The following STARD3NL variants were observed in gnomAD, a reference collection of about 807,000 sequenced individuals.
The protein encoded by STARD3NL is STARD3 N-terminal like.
STARD3NL carries 17 observed loss-of-function variants against 30.9 expected under a neutral mutation model. The observed-to-expected ratio is 0.55, with a 90% CI of 0.38 to 0.82. STARD3NL has a LOEUF of 0.82. Among genes scored for constraint, STARD3NL ranks in the 40% least tolerant of loss-of-function variants. STARD3NL has a pLI of 0.00. For missense variants in STARD3NL, 234 were observed against 277.6 expected, an observed-to-expected ratio of 0.84 and a Z score of 1.12; for synonymous variants, 112 against 100.5, an observed-to-expected ratio of 1.11 and a Z score of -0.69.
At chr7:38,211,991 CT>C (rs2116296467) in intron 2 of STARD3NL, among the ~76,000 whole-genome samples, 1 of 152,206 alleles carries the variant, frequency 6.6e-6, no homozygotes, top group East Asian at 1.9e-4. Context: ...GTTTCCCTTT[CT>C]TTTCCACTGT....
At position 38,216,484 on chromosome 7, in the gene STARD3NL, AGT is replaced by A. The variant is rs374049044; in HGVS notation, c.382-524_382-523del. On this transcript the variant is annotated intron_variant, in intron 4 of 8. Coordinates refer to ENST00000009041, the MANE Select transcript of STARD3NL (RefSeq NM_032016.4). ...GTGTGTGTGTGTGTGTGTGTGTGTGAGTGTGTGTGTGTGTGTGTCTGCAACTT... is the reference window on the plus strand; with the variant it reads ...GTGTGTGTGTGTGTGTGTGTGTGTGAGTGTGTGTGTGTGTGTCTGCAACTT... 1.1e-3 allele frequency: 132 copies of A among 116,440 alleles called. No homozygotes were observed. In the South Asian group the frequency reaches 0.012, roughly 11 times the overall value. The allele number at this position is 116,440 out of a possible 1,614,324, so 7.2% of individuals were successfully genotyped here. A position where few individuals can be genotyped will look rare whatever the true frequency, so the allele number is the denominator to read the frequency against.
At chr7:38,228,668 C>T (rs1485890976) in intron 7 of STARD3NL, 131 bp from the exon 8 acceptor site, 1 of 656,082 alleles carries the variant, frequency 1.5e-6, no homozygotes, top group Non-Finnish European at 2.4e-6. Flanking sequence ...TAACCTAAAT[C>T]TCTTGAGGAT....
At chr7:38,214,923 C>G (rs576718871) in intron 3 of STARD3NL, 105 bp from the exon 4 acceptor site, 6 of 1,010,822 alleles carry the variant, frequency 5.9e-6, no homozygotes, top group Admixed American at 2.0e-5. Context: ...CCCTGGTAGT[C>G]TCCAGCTAAA....
chr7:38,208,239 T>A (rs965442894), intron 2 of STARD3NL, among the ~76,000 whole-genome samples: 13 of 152,224 alleles, frequency 8.5e-5, no homozygotes, highest in Non-Finnish European at 1.9e-4. Flanking sequence ...GTTTTAGATG[T>A]TTCATGTACT....
In STARD3NL at chr7:38,207,738, G is replaced by C; in HGVS notation, c.225+9G>C. ...GGATAATAGAGTTAAATGTAAGTTG[G>C]TGGTTCTTTCATAACTTTTTAAGAA... On this transcript the variant is annotated intron_variant, in intron 2 of 8. Transcript: ENST00000009041. 6.2e-7 allele frequency: 1 copy of C among 1,611,504 alleles called. No homozygotes were observed. The highest frequency in any genetic ancestry group is 1.1e-5 in the South Asian group (1 of 90,858).
chr7:38,219,803 C>T (rs1335517651), intron 7 of STARD3NL, 143 bp downstream of exon 7: 2 of 622,002 alleles, frequency 3.2e-6, no homozygotes, highest in Admixed American at 2.4e-5. Context: ...ATAGGTGAGA[C>T]ACGGTCTCAC....
At chr7:38,221,721 G>A (rs1371128770) in intron 7 of STARD3NL, among the ~76,000 whole-genome samples, 1 of 152,214 alleles carries the variant, frequency 6.6e-6, no homozygotes, top group Admixed American at 6.5e-5. Context: ...AAAGGATAAA[G>A]AAATCAGTAG....
At chr7:38,224,519 A>G (rs1039713073) in intron 7 of STARD3NL, among the ~76,000 whole-genome samples, 4 of 152,216 alleles carry the variant, frequency 2.6e-5, no homozygotes, top group Admixed American at 2.0e-4. Context: ...TAAACAGTCC[A>G]TAAGTTTTTA....
At chr7:38,217,736 A>G (rs1786207060) in intron 6 of STARD3NL, among the ~76,000 whole-genome samples, 1 of 152,196 alleles carries the variant, frequency 6.6e-6, no homozygotes, top group Admixed American at 6.5e-5. Flanking sequence ...AACTATTCTA[A>G]ATACAAGCCA....
chr7:38,180,855 AAAATAATGCATCT>A (rs1784216646), intron 1 of STARD3NL, among the ~76,000 whole-genome samples: 1 of 152,240 alleles, frequency 6.6e-6, no homozygotes, highest in African/African-American at 2.4e-5. Context: ...AGTGAGTTTT[AAAATAATGCATCT>A]AATGGCCAAA....
chr7:38,217,403 A>G, intron 6 of STARD3NL, 98 bp downstream of exon 6: 1 of 1,079,454 alleles, frequency 9.3e-7, no homozygotes, highest in Non-Finnish European at 1.4e-6. Flanking sequence ...GCAAATGGGT[A>G]GAGTTAGGCA....
intron 4 of STARD3NL, chr7:38,215,816 A>T (rs1786076142): frequency 6.6e-6 from 1 of 152,294 alleles, no homozygotes; most frequent in African/African-American, 2.4e-5. Context: ...CTGCAATTAG[A>T]GGGTGAGAGC....
intron 1 of STARD3NL, among the ~76,000 whole-genome samples, chr7:38,195,391 A>G (rs946286632): frequency 6.6e-6 from 1 of 152,194 alleles, no homozygotes; most frequent in South Asian, 2.1e-4. Context: ...AGTGTTAGCC[A>G]TACTTGCTGA....
In STARD3NL at chr7:38,194,779, T is replaced by G. The variant is rs1171448343; in HGVS notation, c.-58-12668T>G. Reference sequence around the variant, plus strand: ...TGGTGGTCTAGTTTTGTGATCAATTTTATAAATATGGCTTACCTCCTCAAC... The same window carrying G: ...TGGTGGTCTAGTTTTGTGATCAATTGTATAAATATGGCTTACCTCCTCAAC... On this transcript the variant is annotated intron_variant, in intron 1 of 8. Coordinates refer to ENST00000009041, the MANE Select transcript of STARD3NL (RefSeq NM_032016.4). Among the ~76,000 whole-genome samples, 3 of 152,220 alleles carry G rather than the reference T, an allele frequency of 2.0e-5. No homozygotes were observed. The East Asian group carries it at 5.8e-4, about 29-fold the overall frequency.
intron 1 of STARD3NL, among the ~76,000 whole-genome samples, chr7:38,202,907 C>T (rs901015431): frequency 6.6e-6 from 1 of 151,932 alleles, no homozygotes; most frequent in African/African-American, 2.4e-5. Context: ...ATGAACTCAT[C>T]ATTTTTTATG....
intron 1 of STARD3NL, among the ~76,000 whole-genome samples, chr7:38,204,134 C>T (rs1785325772): frequency 6.6e-6 from 1 of 152,180 alleles, no homozygotes; most frequent in African/African-American, 2.4e-5. Context: ...ACCAAGCAAA[C>T]CTAATAGACG....
chr7:38,226,158 T>G (rs1368960313), intron 7 of STARD3NL, among the ~76,000 whole-genome samples: 1 of 149,958 alleles, frequency 6.7e-6, no homozygotes, highest in African/African-American at 2.4e-5. Context: ...TCTTGTTTTT[T>G]TTTTTTTTTT....
intron 2 of STARD3NL, among the ~76,000 whole-genome samples, chr7:38,208,124 C>A (rs1032994486): frequency 2.0e-5 from 3 of 152,166 alleles, no homozygotes; most frequent in Non-Finnish European, 4.4e-5. Flanking sequence ...ATAGTTGTGA[C>A]AGAGACCCTC....
At chr7:38,194,928 T>C (rs1784838976) in intron 1 of STARD3NL, among the ~76,000 whole-genome samples, 2 of 152,188 alleles carry the variant, frequency 1.3e-5, no homozygotes, top group Admixed American at 1.3e-4. Flanking sequence ...AAAGTAAATG[T>C]CAAAACCTTT....
Sources: allele counts gnomAD v4.1 joint callset (sites outside exome capture counted in the v4.1 genomes callset), GRCh38; gene constraint gnomAD v4.1.1; transcripts MANE v1.5; gene names NCBI Gene and HGNC (gene_info 2026-07-23, HGNC 2026-07-21).